The following DIAPH2 variants were observed in gnomAD, a reference collection of about 807,000 sequenced individuals.
DIAPH2 encodes protein diaphanous homolog 2.
A neutral mutation model predicts 92.7 loss-of-function variants in DIAPH2; 35 were observed. The observed-to-expected ratio is 0.38, with a 90% CI of 0.29 to 0.50. DIAPH2 has a LOEUF of 0.50. Among genes scored for constraint, DIAPH2 ranks in the 20% least tolerant of loss-of-function variants. The pLI is 0.94. For missense variants in DIAPH2, 701 were observed against 819.5 expected, an observed-to-expected ratio of 0.86 and a Z score of 1.77; for synonymous variants, 301 against 280.4, an observed-to-expected ratio of 1.07 and a Z score of -0.73.
At chrX:96,986,410 T>A (rs761441472) in intron 17 of DIAPH2, among the ~76,000 whole-genome samples, 1 of 111,976 alleles carries the variant, frequency 8.9e-6, no homozygotes, top group South Asian at 3.7e-4. Context: ...TAAAATTTGT[T>A]TGATTTTAAT....
At chrX:96,834,429 A>G (rs143643561) in intron 4 of DIAPH2, among the ~76,000 whole-genome samples, 2 of 111,985 alleles carry the variant, frequency 1.8e-5, no homozygotes, top group Non-Finnish European at 3.8e-5. Context: ...ATTTTGAAGT[A>G]TTTGGAAATA....
chrX:97,041,830 C>G (rs896616515), intron 17 of DIAPH2, among the ~76,000 whole-genome samples: 1 of 111,503 alleles, frequency 9.0e-6, no homozygotes, highest in Admixed American at 9.5e-5. Context: ...CATTCCTTTT[C>G]TCTTTAGTTG....
Position 97,380,668 on chromosome X carries a change from A to T in DIAPH2, c.3010-3241A>T, listed in dbSNP as rs919884523. Among the ~76,000 whole-genome samples the T allele has an allele frequency of 1.8e-4, 20 of 111,606 alleles. No individual in the cohort carries two copies. In the Admixed American group the frequency reaches 1.9e-3, roughly 11 times the overall value. On this transcript the variant is annotated intron_variant, in intron 24 of 26. Coordinates refer to ENST00000324765, the MANE Select transcript of DIAPH2 (RefSeq NM_006729.5). ...TTATTGATATGAAACTGTCTTTAAG[A>T]TTTCCCTTTCTCTAAGCATGCATTT...
In DIAPH2 at chrX:97,334,685, A is replaced by AC. The variant is rs1274084701; in HGVS notation, c.2845-13431_2845-13430insC. Among the ~76,000 whole-genome samples, 422 of 101,891 alleles carry AC rather than the reference A, an allele frequency of 4.1e-3. 3 individuals are homozygous for AC. Among genetic ancestry groups the AC allele is most frequent in the African/African-American group, 0.013 (369 of 28,964 alleles). 88.5% of individuals were successfully genotyped at this position (101,891 alleles called of 115,157 possible). On this transcript the variant is annotated intron_variant, in intron 23 of 26. Transcript: ENST00000324765. ...ATGCTAGTTTAAAAAAACAAAACAA[A>AC]ACAAAAAAAAAAACAGAGCAGGCAC...
At chrX:97,205,141 G>A (rs1264473840) in intron 22 of DIAPH2, among the ~76,000 whole-genome samples, 2 of 111,732 alleles carry the variant, frequency 1.8e-5, no homozygotes, top group African/African-American at 6.5e-5. Context: ...ACAGAAACTG[G>A]ACCCCTTCCT....
chrX:97,596,274 C>A (rs902591404), intron 26 of DIAPH2, among the ~76,000 whole-genome samples: 1 of 111,593 alleles, frequency 9.0e-6, no homozygotes, highest in Non-Finnish European at 1.9e-5. Context: ...TCCAATCAAG[C>A]GTGTTTTTCT....
chrX:97,474,836 G>A (rs1196175057), intron 26 of DIAPH2, among the ~76,000 whole-genome samples: 2 of 110,659 alleles, frequency 1.8e-5, no homozygotes, highest in Non-Finnish European at 3.8e-5. Flanking sequence ...GGATGGACTA[G>A]ATAACTTCTA....
rs191148384 is a variant in DIAPH2 at position 96,808,379 on chromosome X, G to T, written c.447+50121G>T. ...TTAATCATTATATTAAAGTTATAGT[G>T]ACAAAATGTTTTTTACTAAGCAGAA... On this transcript the variant is annotated intron_variant, in intron 4 of 26. Transcript: ENST00000324765. Among the ~76,000 whole-genome samples the T allele has an allele frequency of 1.4e-3, 153 of 111,679 alleles. 1 individual carries two copies. Among genetic ancestry groups the T allele is most frequent in the African/African-American group, 4.8e-3 (147 of 30,837 alleles).
intron 20 of DIAPH2, among the ~76,000 whole-genome samples, chrX:97,101,010 T>A (rs2066902573): frequency 2.7e-5 from 3 of 112,222 alleles, no homozygotes; most frequent in South Asian, 7.4e-4. Context: ...GAAAGGTATT[T>A]CTCTTATTTT....
chrX:97,302,508 G>A (rs1258814599), intron 23 of DIAPH2, among the ~76,000 whole-genome samples: 2 of 110,308 alleles, frequency 1.8e-5, no homozygotes, highest in Non-Finnish European at 3.8e-5. Context: ...TCCAGCCTGG[G>A]CAGCAAGAGC....
rs927689879 is a variant in DIAPH2 at position 96,913,580 on chromosome X, G to A, written c.732+1028G>A. On this transcript the variant is annotated intron_variant, in intron 7 of 26. Coordinates refer to ENST00000324765, the MANE Select transcript of DIAPH2 (RefSeq NM_006729.5). ...ATGGTAGTAGGAAAATTTAAATGTC[G>A]TTTGTTGAATATGTTTCCACACAGA... is the stretch of plus-strand genomic sequence containing the variant. 2.4e-4 allele frequency among the ~76,000 whole-genome samples: 27 copies of A among 111,255 alleles called. 1 individual carries two copies. The Middle Eastern group carries it at 0.015, about 61-fold the overall frequency.
intron 1 of DIAPH2, among the ~76,000 whole-genome samples, chrX:96,698,865 C>T (rs1261117455): frequency 9.2e-6 from 1 of 108,268 alleles, no homozygotes; most frequent in Non-Finnish European, 1.9e-5. Flanking sequence ...GTAGCTGGTA[C>T]TACAGGCATG....
chrX:97,295,734 CTTTTTTTTT>C (rs35900263), intron 23 of DIAPH2, among the ~76,000 whole-genome samples: 1 of 98,344 alleles, frequency 1.0e-5, no homozygotes, highest in African/African-American at 3.6e-5. Flanking sequence ...GTATTTTCTT[CTTTTTTTTT>C]TTTTTGAGAT....
At chrX:96,863,622 T>C (rs766696503) in intron 4 of DIAPH2, among the ~76,000 whole-genome samples, 6 of 111,154 alleles carry the variant, frequency 5.4e-5, no homozygotes, top group African/African-American at 2.0e-4. Context: ...TTTTACCTAA[T>C]TGAATTTTTT....
chrX:97,279,215 A>G (rs2068475881), intron 23 of DIAPH2, among the ~76,000 whole-genome samples: 1 of 111,303 alleles, frequency 9.0e-6, no homozygotes, highest in Non-Finnish European at 1.9e-5. Context: ...TTTTTCATGT[A>G]AGAACTTATT....
intron 26 of DIAPH2, among the ~76,000 whole-genome samples, chrX:97,445,013 A>T: frequency 8.9e-6 from 1 of 111,977 alleles, no homozygotes; most frequent in Non-Finnish European, 1.9e-5. Flanking sequence ...TTAGAAATGA[A>T]GTTCCAACAT....
Position 96,684,905 on chromosome X carries a change from C to T in DIAPH2, c.-154C>T, listed in dbSNP as rs1284426069. ...GGGGGTGCCTGGGAGCCTGGAGTCC[C>T]GGGGGCCTGAAATCGGCAGCTTCCC... On this transcript the variant is annotated 5_prime_UTR_variant, in exon 1 of 27. Coordinates refer to ENST00000324765, the MANE Select transcript of DIAPH2 (RefSeq NM_006729.5). The T allele has an allele frequency of 7.4e-6, 5 of 673,930 alleles. No homozygotes were observed. The highest frequency in any genetic ancestry group is 9.7e-6 in the Non-Finnish European group (5 of 514,858). 55.5% of individuals were successfully genotyped at this position (673,930 alleles called of 1,213,427 possible).
At chrX:97,559,488 C>CAA (rs1235826953) in intron 26 of DIAPH2, among the ~76,000 whole-genome samples, 10 of 43,023 alleles carry the variant, frequency 2.3e-4, no homozygotes, top group East Asian at 1.5e-3. Flanking sequence ...GACTCCGTCT[C>CAA]AAAAAAAAAA....
chrX:97,300,056 C>T lies in DIAPH2; in HGVS notation c.2845-48060C>T, dbSNP rs765926628. Among the ~76,000 whole-genome samples, 21 of 112,049 alleles carry T rather than the reference C, an allele frequency of 1.9e-4. No homozygotes were observed. In the East Asian group the frequency reaches 5.0e-3, roughly 27 times the overall value. On this transcript the variant is annotated intron_variant, in intron 23 of 26. Transcript: ENST00000324765. Reference sequence around the variant, plus strand: ...ATGATTATAGATATAAATGATGTAACAAGAATTCTATTCCCAGTTGTGCGT... The same window carrying T: ...ATGATTATAGATATAAATGATGTAATAAGAATTCTATTCCCAGTTGTGCGT...
Sources: gnomAD v4.1 joint callset for allele counts (sites outside exome capture counted in the v4.1 genomes callset) on GRCh38, gnomAD v4.1.1 for gene constraint, MANE v1.5 for transcripts, NCBI Gene and HGNC (gene_info 2026-07-23, HGNC 2026-07-21) for gene names.